HS3ST5: variants seen among roughly 807,000 people sequenced by gnomAD.
HS3ST5 encodes the protein heparan sulfate-glucosamine 3-sulfotransferase 5, also known as heparan sulfate glucosamine 3-O-sulfotransferase 5.
HS3ST5 carries 10 observed loss-of-function variants against 25.4 expected under a neutral mutation model. The ratio of observed to expected loss-of-function variants is 0.39; its 90% CI spans 0.24 to 0.67. The LOEUF (loss-of-function observed/expected upper bound fraction) is 0.67, where lower values mean the gene tolerates loss of function less well. Among genes scored for constraint, HS3ST5 ranks in the 30% least tolerant of loss-of-function variants. The pLI is 0.44. For synonymous variants in HS3ST5, 170 were observed against 162.4 expected (o/e 1.05, Z -0.36); for missense variants, 324 against 420.7 (o/e 0.77, Z 2.01).
intron 4 of HS3ST5, among the ~76,000 whole-genome samples, chr6:114,061,678 A>T (rs1190710142): frequency 1.3e-5 from 2 of 152,210 alleles, no homozygotes; most frequent in African/African-American, 4.8e-5. Flanking sequence ...AGCCAGGCAC[A>T]GTGGTTCACA....
chr6:114,154,696 G>A (rs117004439), intron 3 of HS3ST5, among the ~76,000 whole-genome samples: 1 of 152,104 alleles, frequency 6.6e-6, no homozygotes, highest in Non-Finnish European at 1.5e-5. Context: ...CTTTGCTTGG[G>A]GGAAGGCAGG....
intron 3 of HS3ST5, chr6:114,131,138 G>A (rs758017487): frequency 2.6e-5 from 4 of 152,150 alleles, no homozygotes; most frequent in Non-Finnish European, 4.4e-5. Context: ...CTTTGCAGAT[G>A]CATCAAAGTT....
At chr6:114,133,914 C>CAGGCA (rs1187632079) in intron 3 of HS3ST5, among the ~76,000 whole-genome samples, 1 of 151,618 alleles carries the variant, frequency 6.6e-6, no homozygotes, top group Non-Finnish European at 1.5e-5. Flanking sequence ...GAGGCCAGGC[C>CAGGCA]AGGCAGAGGG....
intron 1 of HS3ST5, among the ~76,000 whole-genome samples, chr6:114,285,201 G>T (rs1402843764): frequency 6.6e-6 from 1 of 151,950 alleles, no homozygotes; most frequent in Non-Finnish European, 1.5e-5. Context: ...TAAAAATGTG[G>T]TATATGCATG....
intron 2 of HS3ST5, among the ~76,000 whole-genome samples, chr6:114,191,629 A>G (rs4945992): frequency 0.21 from 32,136 of 152,132 alleles, 3,461 homozygotes; most frequent in East Asian, 0.26. Flanking sequence ...AGTGAGGATA[A>G]TCCTCAGGCA....
intron 2 of HS3ST5, among the ~76,000 whole-genome samples, chr6:114,180,845 T>A (rs1223553524): frequency 6.6e-6 from 1 of 152,198 alleles, no homozygotes; most frequent in African/African-American, 2.4e-5. Context: ...AATTTTGGGG[T>A]ACACAATTCA....
At chr6:114,124,795 A>G (rs559671158) in intron 3 of HS3ST5, among the ~76,000 whole-genome samples, 34 of 152,290 alleles carry the variant, frequency 2.2e-4, no homozygotes, top group Middle Eastern at 6.8e-3. Flanking sequence ...ACAATCAGCT[A>G]TCGATTTTCA....
chr6:114,062,151 TC>T (rs778986548), intron 4 of HS3ST5, among the ~76,000 whole-genome samples: 88 of 152,230 alleles, frequency 5.8e-4, no homozygotes, highest in Admixed American at 2.6e-3. Flanking sequence ...TAATTTTCTC[TC>T]CATGGATTTC....
chr6:114,267,225 G>A (rs182638703), intron 1 of HS3ST5, among the ~76,000 whole-genome samples: 1 of 152,270 alleles, frequency 6.6e-6, no homozygotes, highest in East Asian at 1.9e-4. Flanking sequence ...AATTATTTTT[G>A]CATTAATAAT....
rs1047245211 is a variant in HS3ST5 at position 114,057,640 on chromosome 6, A to G, written c.658T>C (p.Cys220Arg). 2.3e-5 allele frequency: 37 copies of G among 1,613,972 alleles called. No individual in the cohort carries two copies. Among genetic ancestry groups the G allele is most frequent in the Non-Finnish European group, 2.9e-5 (34 of 1,180,034 alleles). The change falls in exon 5 of 5, where the codon TGC becomes CGC. Residue 220 changes from cysteine (C) to arginine (R), a missense_variant. Coordinates refer to ENST00000312719, the MANE Select transcript of HS3ST5 (RefSeq NM_153612.4). ...FEKLAIDPNT[C>R]EVNTKYKAVR... ...GCTTTGTATTTTGTGTTCACTTCGCATGTATTAGGGTCTATGGCCAGCTTC... is the reference window on the plus strand; with the variant it reads ...GCTTTGTATTTTGTGTTCACTTCGCGTGTATTAGGGTCTATGGCCAGCTTC...
intron 3 of HS3ST5, among the ~76,000 whole-genome samples, chr6:114,120,913 A>T (rs1776756454): frequency 6.6e-6 from 1 of 152,226 alleles, no homozygotes; most frequent in South Asian, 2.1e-4. Flanking sequence ...CAGAAGTCCC[A>T]GTAATGTACA....
intron 2 of HS3ST5, among the ~76,000 whole-genome samples, chr6:114,185,967 T>G (rs1276094657): frequency 6.6e-6 from 1 of 152,094 alleles, no homozygotes; most frequent in Non-Finnish European, 1.5e-5. Flanking sequence ...TGATCTTTGA[T>G]GTTACTACTG....
chr6:114,247,833 T>C (rs921302103), intron 1 of HS3ST5, among the ~76,000 whole-genome samples: 1 of 151,532 alleles, frequency 6.6e-6, no homozygotes, highest in African/African-American at 2.4e-5. Context: ...GTTAGAAACT[T>C]GAATTTTTTT....
At chr6:114,337,644 G>A (rs995439453) in intron 1 of HS3ST5, among the ~76,000 whole-genome samples, 2 of 152,058 alleles carry the variant, frequency 1.3e-5, no homozygotes, top group Non-Finnish European at 2.9e-5. Flanking sequence ...GTTATGTCAC[G>A]GCTTCATTAC....
chr6:114,170,401 ATT>A (rs1779423429), intron 2 of HS3ST5, among the ~76,000 whole-genome samples: 1 of 152,090 alleles, frequency 6.6e-6, no homozygotes, highest in East Asian at 1.9e-4. Context: ...AATTATTTAG[ATT>A]TTATTCCTTG....
chr6:114,319,525 T>A (rs1044153106), intron 1 of HS3ST5, among the ~76,000 whole-genome samples: 2 of 152,112 alleles, frequency 1.3e-5, no homozygotes, highest in Non-Finnish European at 2.9e-5. Flanking sequence ...TTAATTCTAC[T>A]TTTTTTCTCT....
At chr6:114,339,561 C>A (rs12190227) in intron 1 of HS3ST5, among the ~76,000 whole-genome samples, 1 of 151,842 alleles carries the variant, frequency 6.6e-6, no homozygotes, top group Non-Finnish European at 1.5e-5. Flanking sequence ...TCTATGAATG[C>A]GAATTCACTT....
At chr6:114,109,627 C>A (rs1776166713) in intron 3 of HS3ST5, among the ~76,000 whole-genome samples, 1 of 152,148 alleles carries the variant, frequency 6.6e-6, no homozygotes, top group Non-Finnish European at 1.5e-5. Flanking sequence ...TATCCCTGGA[C>A]CCTCATCGCT....
At chr6:114,338,136 A>G (rs1776680601) in intron 1 of HS3ST5, among the ~76,000 whole-genome samples, 1 of 152,088 alleles carries the variant, frequency 6.6e-6, no homozygotes, top group African/African-American at 2.4e-5. Flanking sequence ...ATATCAAACT[A>G]GTAGAGCATT....
Sources: gnomAD v4.1 joint callset for allele counts (sites outside exome capture counted in the v4.1 genomes callset) on GRCh38, gnomAD v4.1.1 for gene constraint, MANE v1.5 for transcripts, NCBI Gene and HGNC (gene_info 2026-07-23, HGNC 2026-07-21) for gene names.